Variants in NR3C2 observed in about 807,000 individuals in gnomAD.
NR3C2 encodes the protein nuclear receptor subfamily 3 group C member 2.
In NR3C2, 15 loss-of-function variants were observed where a neutral mutation model predicts 86.4. That is an observed-to-expected ratio of 0.17 (90% CI 0.12 to 0.27). The LOEUF (loss-of-function observed/expected upper bound fraction) is 0.27. Among genes scored for constraint, NR3C2 ranks in the 10% least tolerant of loss-of-function variants. The pLI is 1.00. For synonymous variants in NR3C2, 458 were observed against 450.5 expected, an observed-to-expected ratio of 1.02 and a Z score of -0.21; for missense variants, 960 against 1,195.6, an observed-to-expected ratio of 0.80 and a Z score of 2.91.
intron 2 of NR3C2, among the ~76,000 whole-genome samples, chr4:148,419,267 G>A (rs758226410): frequency 1.3e-5 from 2 of 152,096 alleles, no homozygotes; most frequent in South Asian, 2.1e-4. Context: ...TTCCTGCTAC[G>A]TAGTTATATT....
At chr4:148,221,692 A>T (rs1737854839) in intron 3 of NR3C2, among the ~76,000 whole-genome samples, 1 of 152,126 alleles carries the variant, frequency 6.6e-6, no homozygotes, top group Admixed American at 6.5e-5. Context: ...CAGGAATTTG[A>T]GACCAGCCTG....
At chr4:148,444,411 C>T, upstream of NR3C2, 4 of 986,042 alleles carry the variant, frequency 4.1e-6, no homozygotes, top group Non-Finnish European at 4.8e-6. Flanking sequence ...CACCTCCGCT[C>T]GCCAACCCGC....
intron 2 of NR3C2, among the ~76,000 whole-genome samples, chr4:148,316,337 GTATATTTA>G (rs1462388289): frequency 1.3e-5 from 2 of 152,056 alleles, no homozygotes; most frequent in Non-Finnish European, 2.9e-5. Context: ...GTATAATAAA[GTATATTTA>G]TATATTTATG....
chr4:148,173,036 C>T (rs1735206198), intron 4 of NR3C2, among the ~76,000 whole-genome samples: 1 of 152,134 alleles, frequency 6.6e-6, no homozygotes. Flanking sequence ...GATTTATTAG[C>T]ACAGCGGGGG....
At chr4:148,381,072 A>G (rs955234195) in intron 2 of NR3C2, among the ~76,000 whole-genome samples, 5 of 152,222 alleles carry the variant, frequency 3.3e-5, no homozygotes, top group Admixed American at 3.3e-4. Context: ...ACAAAAAAAT[A>G]CAAAAATTAG....
At chr4:148,285,137 C>T (rs1012575627) in intron 2 of NR3C2, among the ~76,000 whole-genome samples, 2 of 152,166 alleles carry the variant, frequency 1.3e-5, no homozygotes, top group African/African-American at 4.8e-5. Flanking sequence ...TGTGATTACA[C>T]CATACTGAAA....
intron 3 of NR3C2, among the ~76,000 whole-genome samples, chr4:148,254,836 A>C (rs1406243744): frequency 6.6e-6 from 1 of 152,188 alleles, no homozygotes; most frequent in Non-Finnish European, 1.5e-5. Context: ...GATGCTCATA[A>C]GCTTCCTGTA....
chr4:148,399,183 C>T (rs1353753612), intron 2 of NR3C2, among the ~76,000 whole-genome samples: 1 of 152,210 alleles, frequency 6.6e-6, no homozygotes, highest in Admixed American at 6.5e-5. Context: ...TTTGTGTTAA[C>T]TGTCTCAGTA....
At position 148,212,713 on chromosome 4, in the gene NR3C2, A is replaced by G. The variant is rs576979472; in HGVS notation, c.1898-17851T>C. Among the ~76,000 whole-genome samples the G allele has an allele frequency of 2.6e-5, 4 of 152,366 alleles. No individual in the cohort carries two copies. In the South Asian group the frequency reaches 6.2e-4, roughly 24 times the overall value. On this transcript the variant is annotated intron_variant, in intron 3 of 8. Transcript: ENST00000358102. ...TTTAAATGAAAAGTACATTTCAAAT[A>G]TTTTTACTGGTCTGCAACGGGCAGA...
chr4:148,425,396 G>A (rs953168178), intron 2 of NR3C2, among the ~76,000 whole-genome samples: 1 of 152,152 alleles, frequency 6.6e-6, no homozygotes, highest in Non-Finnish European at 1.5e-5. Flanking sequence ...AGAAGGCAGG[G>A]GATGACCACT....
intron 3 of NR3C2, among the ~76,000 whole-genome samples, chr4:148,235,268 A>ATATATATATATATATG (rs1207317400): frequency 6.7e-6 from 1 of 149,482 alleles, no homozygotes; most frequent in Non-Finnish European, 1.5e-5. Context: ...GCAATTATAT[A>ATATATATATATATATG]TATATATATA....
chr4:148,403,648 C>A (rs1748274324), intron 2 of NR3C2, among the ~76,000 whole-genome samples: 1 of 152,022 alleles, frequency 6.6e-6, no homozygotes, highest in Non-Finnish European at 1.5e-5. Flanking sequence ...AATATTAAGA[C>A]AACCTTTTTC....
At chr4:148,157,191 A>G (rs1419321669) in intron 4 of NR3C2, among the ~76,000 whole-genome samples, 1 of 148,312 alleles carries the variant, frequency 6.7e-6, no homozygotes, top group Non-Finnish European at 1.5e-5. Context: ...GCATTAGGAG[A>G]TATACCTAAT....
At chr4:148,254,869 G>T (rs1023514836) in intron 3 of NR3C2, among the ~76,000 whole-genome samples, 4 of 152,104 alleles carry the variant, frequency 2.6e-5, no homozygotes, top group Non-Finnish European at 4.4e-5. Flanking sequence ...AAACACCAGG[G>T]ACTGTATCTT....
chr4:148,166,114 C>CA (rs201723998), intron 4 of NR3C2, among the ~76,000 whole-genome samples: 2 of 151,922 alleles, frequency 1.3e-5, no homozygotes, highest in Non-Finnish European at 2.9e-5. Flanking sequence ...GCATGTACTT[C>CA]AAAAAAAAGT....
At chr4:148,245,953 T>A (rs890892040) in intron 3 of NR3C2, among the ~76,000 whole-genome samples, 1 of 152,242 alleles carries the variant, frequency 6.6e-6, no homozygotes, top group East Asian at 1.9e-4. Flanking sequence ...TTTACTTGTG[T>A]AAAATAAAAT....
chr4:148,323,221 T>G (rs12511445), intron 2 of NR3C2, among the ~76,000 whole-genome samples: 1 of 130,260 alleles, frequency 7.7e-6, no homozygotes, highest in South Asian at 2.9e-4. Context: ...CCACTTGAGG[T>G]GGCAGTCTGC....
intron 2 of NR3C2, among the ~76,000 whole-genome samples, chr4:148,405,842 A>T (rs1397489972): frequency 2.1e-4 from 32 of 152,134 alleles, no homozygotes. Flanking sequence ...CAGACTTCCT[A>T]AGTCTCAGTA....
At chr4:148,362,517 C>T (rs1745890329) in intron 2 of NR3C2, among the ~76,000 whole-genome samples, 1 of 151,964 alleles carries the variant, frequency 6.6e-6, no homozygotes, top group Non-Finnish European at 1.5e-5. Flanking sequence ...AAGTCTGAGC[C>T]TTTACCTTCA....
Sources: allele counts gnomAD v4.1 joint callset (sites outside exome capture counted in the v4.1 genomes callset), GRCh38; gene constraint gnomAD v4.1.1; transcripts MANE v1.5; gene names NCBI Gene and HGNC (gene_info 2026-07-23, HGNC 2026-07-21).